CENPF: variants seen among roughly 807,000 people sequenced by gnomAD.
The protein encoded by CENPF is centromere protein F, also known as AH antigen.
CENPF carries 214 observed loss-of-function variants against 307.3 expected under a neutral mutation model. The observed-to-expected ratio is 0.70, with a 90% CI of 0.62 to 0.78. The LOEUF is 0.78. Ranked by LOEUF, CENPF falls within the 30% of genes least tolerant of loss-of-function variation. The pLI is 0.00. For synonymous variants in CENPF, 1,259 were observed against 1,270.6 expected, an observed-to-expected ratio of 0.99 and a Z score of 0.19; for missense variants, 3,401 against 3,483.9, an observed-to-expected ratio of 0.98 and a Z score of 0.60.
Position 214,646,520 on chromosome 1 carries a change from A to G in CENPF, c.6950A>G (p.Gln2317Arg), listed in dbSNP as rs553510046. 5 of 1,614,184 alleles carry G rather than the reference A, an allele frequency of 3.1e-6. No individual in the cohort carries two copies. The East Asian group carries it at 6.7e-5, about 22-fold the overall frequency. The change falls in exon 13 of 20, where the codon CAG becomes CGG. Residue 2317 changes from glutamine to arginine, a missense_variant. Gln to Arg is a conservative substitution (Grantham distance 43). Coordinates refer to ENST00000366955, the MANE Select transcript of CENPF (RefSeq NM_016343.4). ...CGCCTAGAAGCTGATGAAAAGAAGC[A>G]GCTCTGTGTCTTACAACAACTGAAG... ...RARLEADEKK[Q>R]LCVLQQLKES... is the part of the protein sequence containing the mutation.
intron 18 of CENPF, 116 bp from the exon 19 acceptor site, chr1:214,658,734 G>A: frequency 9.8e-7 from 1 of 1,022,338 alleles, no homozygotes; most frequent in South Asian, 1.6e-5. Flanking sequence ...CAGTGGCTAG[G>A]ACAAAGTATT....
intron 16 of CENPF, 124 bp downstream of exon 16, chr1:214,653,113 GTCAT>G: frequency 2.3e-6 from 2 of 884,302 alleles, no homozygotes; most frequent in Non-Finnish European, 3.8e-6. Flanking sequence ...CAAAAATGAT[GTCAT>G]TCATCAGTTC....
rs529308887 is a variant in CENPF at position 214,632,702 on chromosome 1, G to A, written c.1446+100G>A. On this transcript the variant is annotated intron_variant, in intron 10 of 19. Coordinates refer to ENST00000366955, the MANE Select transcript of CENPF (RefSeq NM_016343.4). Reference sequence around the variant, plus strand: ...CATTTGTCAGTTGCTTGTCATGACTGTGTGCCTTTTTCTTTTCTATTCACC... The same window carrying A: ...CATTTGTCAGTTGCTTGTCATGACTATGTGCCTTTTTCTTTTCTATTCACC... 13 of 1,384,644 alleles carry A rather than the reference G, an allele frequency of 9.4e-6. No individual in the cohort carries two copies. In the South Asian group the frequency reaches 1.1e-4, roughly 12 times the overall value. The allele number at this position is 1,384,644 out of a possible 1,614,324, so 85.8% of individuals were successfully genotyped here.
intron 15 of CENPF, 127 bp downstream of exon 15, chr1:214,652,013 T>C: frequency 1.5e-6 from 1 of 675,302 alleles, no homozygotes; most frequent in East Asian, 3.1e-5. Context: ...TTTTAAAAGG[T>C]CTCACATTAA....
Position 214,641,492 on chromosome 1 carries a change from A to G in CENPF, c.3154A>G (p.Lys1052Glu). Residue 1052 changes from lysine (K) to glutamate (E), a missense_variant, in exon 12 of 20, where the codon AAA becomes GAA. Coordinates refer to ENST00000366955, the MANE Select transcript of CENPF (RefSeq NM_016343.4). ...CAAAGCAGCACAGGAAAAGAATTCT[A>G]AATTAGAATGCTTGCTAAATGAATG... ...KYKAAQEKNS[K>E]LECLLNECTS... is the part of the protein sequence containing the mutation. The G allele has an allele frequency of 6.6e-7, 1 of 1,523,236 alleles. No individual in the cohort carries two copies. Among genetic ancestry groups the G allele is most frequent in the Non-Finnish European group, 8.7e-7 (1 of 1,142,986 alleles). 94.4% of individuals were successfully genotyped at this position (1,523,236 alleles called of 1,614,324 possible).
chr1:214,657,367 A>G lies in CENPF; in HGVS notation c.8920A>G (p.Thr2974Ala), dbSNP rs913286567. Residue 2974 changes from threonine (T) to alanine (A), a missense_variant, in exon 18 of 20, where the codon ACT (threonine) becomes GCT (alanine). Coordinates refer to ENST00000366955, the MANE Select transcript of CENPF (RefSeq NM_016343.4). The part of the protein sequence containing the change: ...GIHPAEDTEG[T>A]EFEPEGLPEV... ...TCACCCTGCAGAAGACACGGAAGGT[A>G]CTGAGTTTGAGCCAGAGGGACTTCC... 2 of 1,611,960 alleles carry G rather than the reference A, an allele frequency of 1.2e-6. No homozygotes were observed. The highest frequency in any genetic ancestry group is 8.5e-7 in the Non-Finnish European group (1 of 1,179,980).
intron 1 of CENPF, among the ~76,000 whole-genome samples, chr1:214,606,898 C>T (rs1397307285): frequency 2.6e-5 from 4 of 152,270 alleles, no homozygotes; most frequent in Admixed American, 6.5e-5. Context: ...TCCTCCCACA[C>T]GCTCCAGGCT....
At chr1:214,618,780 T>C in intron 4 of CENPF, 86 bp downstream of exon 4, 1 of 1,342,344 alleles carries the variant, frequency 7.4e-7, no homozygotes, top group African/African-American at 1.5e-5. Context: ...AATTCAACTT[T>C]GAATTAAACT....
intron 8 of CENPF, 46 bp downstream of exon 8, chr1:214,629,217 TG>T (rs772135109): frequency 1.3e-6 from 2 of 1,509,288 alleles, no homozygotes; most frequent in Non-Finnish European, 1.8e-6. Context: ...AGGCTTTTTA[TG>T]GGCTTTTCAT....
At chr1:214,620,198 C>CT (rs901846325) in intron 5 of CENPF, among the ~76,000 whole-genome samples, 1 of 152,054 alleles carries the variant, frequency 6.6e-6, no homozygotes, top group Non-Finnish European at 1.5e-5. Flanking sequence ...CTCGATGTGA[C>CT]TTTTTTTGGG....
intron 11 of CENPF, among the ~76,000 whole-genome samples, chr1:214,638,323 C>G (rs945854202): frequency 1.5e-4 from 23 of 152,132 alleles, no homozygotes; most frequent in African/African-American, 5.1e-4. Context: ...CTCTGTGTCT[C>G]TAGTGTGCTT....
Position 214,645,600 on chromosome 1 carries a change from G to A in CENPF, c.6030G>A (p.Lys2010=). 6.2e-7 allele frequency: 1 copy of A among 1,614,134 alleles called. No homozygotes were observed. The highest frequency in any genetic ancestry group is 8.5e-7 in the Non-Finnish European group (1 of 1,180,028). The change falls in exon 13 of 20, where the codon AAG becomes AAA. Residue 2010 remains lysine (K), a synonymous_variant. Coordinates refer to ENST00000366955, the MANE Select transcript of CENPF (RefSeq NM_016343.4). Reference sequence around the variant, plus strand: ...TTCAGGTGGCAGAGGCAGAGGTGAAGGAAAAGACGGAACTCCTTCAGACTT... The same window carrying A: ...TTCAGGTGGCAGAGGCAGAGGTGAAAGAAAAGACGGAACTCCTTCAGACTT... ...HCIQVAEAEV[K]EKTELLQTLS... is the part of the protein sequence containing the mutation.
At position 214,629,014 on chromosome 1, in the gene CENPF, A is replaced by AT. The variant is rs774270668; in HGVS notation, c.1069-28dup. On this transcript the variant is annotated intron_variant, in intron 7 of 19. Coordinates refer to ENST00000366955, the MANE Select transcript of CENPF (RefSeq NM_016343.4). ...TTGTTCATTTATGTGAGTAATATTT[A>AT]TTTTGTCTTGAACATTTTTATTCAT... 102 of 1,480,742 alleles carry AT rather than the reference A, an allele frequency of 6.9e-5. 3 individuals carry two copies. In the South Asian group the frequency reaches 1.3e-3, roughly 19 times the overall value. 91.7% of individuals were successfully genotyped at this position (1,480,742 alleles called of 1,614,324 possible).
At position 214,603,279 on chromosome 1, in the gene CENPF, A is replaced by G. The variant is rs1009442446; in HGVS notation, c.-84A>G. 2.0e-5 allele frequency: 3 copies of G among 152,350 alleles called. No homozygotes were observed. Among genetic ancestry groups the G allele is most frequent in the Non-Finnish European group, 4.4e-5 (3 of 68,176 alleles). The allele number at this position is 152,350 out of a possible 1,614,324, so 9.4% of individuals were successfully genotyped here. A position where few individuals can be genotyped will look rare whatever the true frequency, so the allele number is the denominator to read the frequency against. On this transcript the variant is annotated 5_prime_UTR_variant, in exon 1 of 20. Transcript: ENST00000366955. Reference sequence around the variant, plus strand: ...TCCAGCCCGCCGAAGCCGCGCCAGAACTGTACTCTCCGAGAGGTCGTTTTC... The same window carrying G: ...TCCAGCCCGCCGAAGCCGCGCCAGAGCTGTACTCTCCGAGAGGTCGTTTTC...
Position 214,648,520 on chromosome 1 carries a change from T to C in CENPF, c.7831-155T>C, listed in dbSNP as rs910998582. On this transcript the variant is annotated intron_variant, in intron 13 of 19. Transcript: ENST00000366955. ...TAAGCTTACTAGTAGGTTTTGAGAA[T>C]GTTGAGTTGAGTGGATTAGTAAAGG... 5 of 812,142 alleles carry C rather than the reference T, an allele frequency of 6.2e-6. No homozygotes were observed. The East Asian group carries it at 1.2e-4, about 20-fold the overall frequency. The allele number at this position is 812,142 out of a possible 1,614,324, so 50.3% of individuals were successfully genotyped here.
At position 214,630,672 on chromosome 1, in the gene CENPF, G is replaced by A. The variant is rs538075920; in HGVS notation, c.1323+10G>A. The A allele has an allele frequency of 7.3e-5, 117 of 1,613,500 alleles. No homozygotes were observed. The African/African-American group carries it at 1.3e-3, about 18-fold the overall frequency. ...GGCTGAACTGGATAAAGTAGGGGCC[G>A]TGTCTCTCTCTCTCTCCTTAATCAT... On this transcript the variant is annotated intron_variant, in intron 9 of 19. Transcript: ENST00000366955.
chr1:214,651,929 T>C (rs184073516), intron 15 of CENPF, 43 bp downstream of exon 15: 1 of 1,524,054 alleles, frequency 6.6e-7, no homozygotes, highest in Admixed American at 2.3e-5. Flanking sequence ...GGAGAGTGTA[T>C]TTTGATCATG....
intron 17 of CENPF, among the ~76,000 whole-genome samples, chr1:214,655,900 C>T (rs1658620337): frequency 6.6e-6 from 1 of 152,212 alleles, no homozygotes; most frequent in African/African-American, 2.4e-5. Flanking sequence ...CTGAATGAAG[C>T]CATTTTGAAA....
rs1378473069 is a variant in CENPF at position 214,615,038 on chromosome 1, TG to T, written c.359+13del. On this transcript the variant is annotated intron_variant, in intron 3 of 19. Coordinates refer to ENST00000366955, the MANE Select transcript of CENPF (RefSeq NM_016343.4). ...AACAGGAACTTAAAAGGTAATATTT[TG>T]GGATGGTATTTATAGGGATGATATT... is the stretch of plus-strand genomic sequence containing the variant. 1.3e-6 allele frequency: 2 copies of T among 1,576,568 alleles called. No individual in the cohort carries two copies. Among genetic ancestry groups the T allele is most frequent in the African/African-American group, 2.7e-5 (2 of 73,360 alleles).
Sources: allele counts gnomAD v4.1 joint callset (sites outside exome capture counted in the v4.1 genomes callset), GRCh38; gene constraint gnomAD v4.1.1; transcripts MANE v1.5; gene names NCBI Gene and HGNC (gene_info 2026-07-23, HGNC 2026-07-21).